The following NBEA variants were observed in gnomAD, a reference collection of about 807,000 sequenced individuals.
NBEA encodes lysosomal-trafficking regulator 2.
A neutral mutation model predicts 343.4 loss-of-function variants in NBEA; 44 were observed. The ratio of observed to expected loss-of-function variants is 0.13; its 90% CI spans 0.10 to 0.16. The LOEUF (loss-of-function observed/expected upper bound fraction) is 0.16, where lower values mean the gene tolerates loss of function less well. Ranked by LOEUF, NBEA falls within the 10% of genes least tolerant of loss-of-function variation. The probability of loss-of-function intolerance (pLI) is 1.00; values close to 1 mark genes in which losing one functional copy is unlikely to be tolerated. For synonymous variants in NBEA, 1,175 were observed against 1,238.7 expected (o/e 0.95, Z 1.08); for missense variants, 2,555 against 3,631.3 (o/e 0.70, Z 7.62).
intron 41 of NBEA, among the ~76,000 whole-genome samples, chr13:35,499,974 C>T (rs1163052826): frequency 2.0e-5 from 3 of 152,100 alleles, no homozygotes; most frequent in South Asian, 2.1e-4. Context: ...TGCACAGTCT[C>T]ATTCTACAGT....
chr13:35,198,778 C>T (rs1566446162), intron 31 of NBEA, among the ~76,000 whole-genome samples: 1 of 151,516 alleles, frequency 6.6e-6, no homozygotes, highest in Non-Finnish European at 1.5e-5. Context: ...ATTGAGGTCT[C>T]GGGGGCGCTG....
chr13:35,523,135 G>T (rs1241712080), intron 41 of NBEA, among the ~76,000 whole-genome samples: 2 of 152,046 alleles, frequency 1.3e-5, no homozygotes, highest in African/African-American at 4.8e-5. Context: ...TTATTATAGT[G>T]ACCACCCTTT....
At chr13:34,999,777 G>T (rs1275107759) in intron 1 of NBEA, among the ~76,000 whole-genome samples, 1 of 142,756 alleles carries the variant, frequency 7.0e-6, no homozygotes, top group Non-Finnish European at 1.5e-5. Flanking sequence ...ACAGATGTGG[G>T]ACTGAACACA....
chr13:34,979,671 G>T (rs1298224227), intron 1 of NBEA, among the ~76,000 whole-genome samples: 1 of 152,010 alleles, frequency 6.6e-6, no homozygotes. Context: ...TTAAAAGTCT[G>T]TATATTTTCT....
At chr13:35,104,946 A>G (rs1299421554) in intron 11 of NBEA, among the ~76,000 whole-genome samples, 1 of 152,032 alleles carries the variant, frequency 6.6e-6, no homozygotes, top group Non-Finnish European at 1.5e-5. Context: ...GTTAGATGGC[A>G]TATCAGTTAT....
chr13:35,038,861 T>C (rs574408093), intron 1 of NBEA, among the ~76,000 whole-genome samples: 1 of 152,236 alleles, frequency 6.6e-6, no homozygotes, highest in Admixed American at 6.6e-5. Flanking sequence ...TTCCCTTAGC[T>C]GCCCCAGCTG....
At chr13:35,548,095 T>G (rs2079147018) in intron 41 of NBEA, among the ~76,000 whole-genome samples, 1 of 152,124 alleles carries the variant, frequency 6.6e-6, no homozygotes, top group Non-Finnish European at 1.5e-5. Flanking sequence ...AAAAACACCC[T>G]TCCTCCTGTG....
At chr13:35,270,551 G>A (rs952765231) in intron 34 of NBEA, among the ~76,000 whole-genome samples, 2 of 152,186 alleles carry the variant, frequency 1.3e-5, no homozygotes, top group Non-Finnish European at 2.9e-5. Context: ...AGTACAAGAG[G>A]TCTGGGGATT....
intron 1 of NBEA, among the ~76,000 whole-genome samples, chr13:34,960,611 A>T (rs1033054635): frequency 1.3e-5 from 2 of 152,026 alleles, no homozygotes; most frequent in African/African-American, 4.8e-5. Flanking sequence ...GTATATTTTT[A>T]CTGTATCTTT....
rs1239839819 is a variant in NBEA at position 35,110,815 on chromosome 13, G to A, written c.1839G>A (p.Gln613=). 1 of 1,609,596 alleles carries A rather than the reference G, an allele frequency of 6.2e-7. No individual in the cohort carries two copies. The highest frequency in any genetic ancestry group is 1.7e-5 in the Admixed American group (1 of 59,882). ...CTGTTAATATTCTGTATTAGGTTCA[G>A]CTTTCCCTATACACATATTTGTCTG... ...AIWIHTPAKV[Q]LSLYTYLSAE... Residue 613 remains glutamine (Q), a synonymous_variant, in exon 13 of 59, where the codon CAG becomes CAA. Transcript: ENST00000379939.
At chr13:35,134,641 A>G (rs1566341324) in intron 17 of NBEA, among the ~76,000 whole-genome samples, 1 of 152,042 alleles carries the variant, frequency 6.6e-6, no homozygotes, top group Non-Finnish European at 1.5e-5. Flanking sequence ...ACTGAAAAAT[A>G]AAGATTAAAG....
chr13:35,212,934 A>G (rs754651151), intron 33 of NBEA, among the ~76,000 whole-genome samples: 1 of 151,712 alleles, frequency 6.6e-6, no homozygotes, highest in Non-Finnish European at 1.5e-5. Flanking sequence ...ATTATATGCC[A>G]TACATATATC....
rs374056773 is a variant in NBEA at position 35,228,759 on chromosome 13, A to G, written c.5649-3733A>G. Among the ~76,000 whole-genome samples the G allele has an allele frequency of 1.1e-4, 16 of 152,240 alleles. No individual in the cohort carries two copies. In the East Asian group the frequency reaches 2.3e-3, roughly 22 times the overall value. The stretch of plus-strand genomic sequence containing the variant: ...AATAGCCAAATTCAAAATAGTCATC[A>G]ATCAAGCATCTTAAACACATCATTA... On this transcript the variant is annotated intron_variant, in intron 33 of 58. Coordinates refer to ENST00000379939, the MANE Select transcript of NBEA (RefSeq NM_001385012.1).
Position 34,965,042 on chromosome 13 carries a change from A to G in NBEA, c.294+21928A>G, listed in dbSNP as rs111521879. The stretch of plus-strand genomic sequence containing the variant: ...TTGGTGATACATATTATGGTCTTCC[A>G]TTAACATTATATGGTATATGTCAGC... On this transcript the variant is annotated intron_variant, in intron 1 of 58. Coordinates refer to ENST00000379939, the MANE Select transcript of NBEA (RefSeq NM_001385012.1). Among the ~76,000 whole-genome samples the G allele has an allele frequency of 9.0e-3, 1,373 of 152,192 alleles. 20 individuals carry two copies. The highest frequency in any genetic ancestry group is 0.031 in the African/African-American group (1,277 of 41,556).
intron 45 of NBEA, among the ~76,000 whole-genome samples, chr13:35,570,125 C>A (rs1424618019): frequency 6.6e-6 from 1 of 152,300 alleles, no homozygotes; most frequent in African/African-American, 2.4e-5. Context: ...CCTCCTCCTC[C>A]CAGGTTCAAG....
chr13:35,126,811 G>A (rs1217252764), intron 17 of NBEA, among the ~76,000 whole-genome samples: 4 of 151,830 alleles, frequency 2.6e-5, no homozygotes, highest in South Asian at 2.1e-4. Context: ...CCAGCTACTC[G>A]GGAGGCTGAG....
At chr13:35,182,311 T>C in intron 28 of NBEA, 49 bp from the exon 29 acceptor site, 4 of 1,543,228 alleles carry the variant, frequency 2.6e-6, no homozygotes, top group Non-Finnish European at 3.5e-6. Flanking sequence ...TTTAAGAACT[T>C]ATACTTCAAA....
At chr13:35,479,152 G>A (rs759673963) in intron 41 of NBEA, among the ~76,000 whole-genome samples, 19 of 152,362 alleles carry the variant, frequency 1.2e-4, no homozygotes, top group Non-Finnish European at 2.5e-4. Flanking sequence ...AGAGTGTTCA[G>A]GAAAGTGAAG....
chr13:35,007,909 T>A (rs971203615), intron 1 of NBEA, among the ~76,000 whole-genome samples: 11 of 152,244 alleles, frequency 7.2e-5, no homozygotes, highest in Non-Finnish European at 1.0e-4. Context: ...TCTGTTGCTT[T>A]CCTTAGCTTT....
Sources: gnomAD v4.1 joint callset for allele counts (sites outside exome capture counted in the v4.1 genomes callset) on GRCh38, gnomAD v4.1.1 for gene constraint, MANE v1.5 for transcripts, NCBI Gene and HGNC (gene_info 2026-07-23, HGNC 2026-07-21) for gene names.